C3orf20: variants seen among roughly 807,000 people sequenced by gnomAD.
The protein encoded by C3orf20 is family with sequence similarity 149 member C.
A neutral mutation model predicts 88.3 loss-of-function variants in C3orf20; 76 were observed. The observed-to-expected ratio is 0.86, with a 90% CI of 0.72 to 1.04. The LOEUF is 1.04. Ranked by LOEUF, C3orf20 falls within the 50% of genes least tolerant of loss-of-function variation. The probability of loss-of-function intolerance (pLI) is 0.00; values close to 1 mark genes in which losing one functional copy is unlikely to be tolerated. For missense variants in C3orf20, 1,056 were observed against 1,123.3 expected, an observed-to-expected ratio of 0.94 and a Z score of 0.86; for synonymous variants, 436 against 437.4, an observed-to-expected ratio of 1.00 and a Z score of 0.04.
At chr3:14,759,812 G>A in intron 13 of C3orf20, 79 bp from the exon 14 acceptor site, 3 of 1,225,324 alleles carry the variant, frequency 2.4e-6, no homozygotes, top group Non-Finnish European at 2.4e-6. Flanking sequence ...GGGGGAACCA[G>A]GCCTAGCCGA....
chr3:14,683,010 A>C lies in C3orf20; in HGVS notation c.297A>C (p.Pro99=), dbSNP rs1409021230. 1.2e-6 allele frequency: 2 copies of C among 1,613,042 alleles called. No individual in the cohort carries two copies. Among genetic ancestry groups the C allele is most frequent in the Non-Finnish European group, 1.7e-6 (2 of 1,179,584 alleles). Residue 99 remains proline, a synonymous_variant, in exon 3 of 17, where the codon CCA becomes CCC. Coordinates refer to ENST00000253697, the MANE Select transcript of C3orf20 (RefSeq NM_032137.5). Reference sequence around the variant, plus strand: ...TGAAGAAGCCACTACCTCCACCACCACCAGCACCACCACGTCCAGTGCTGC... The same window carrying C: ...TGAAGAAGCCACTACCTCCACCACCCCCAGCACCACCACGTCCAGTGCTGC... ...PTLKKPLPPP[P]PAPPRPVLLA...
Position 14,757,407 on chromosome 3 carries a change from G to A in C3orf20, c.1977G>A (p.Trp659Ter), listed in dbSNP as rs553216494. ...GCGAGGGGCGCAGCCCCACCAGGTG[G>A]GCGGCCTTGCCCTCAGACTGCCCGC... ...KAREGRSPTR[W>*]AALPSDCPLV... Residue 659 changes from tryptophan (W) to a stop codon, truncating the protein, a stop_gained, in exon 13 of 17, where the codon TGG (tryptophan) becomes TGA (stop). Coordinates refer to ENST00000253697, the MANE Select transcript of C3orf20 (RefSeq NM_032137.5). LOFTEE classifies it high-confidence loss of function. 3 of 1,611,910 alleles carry A rather than the reference G, an allele frequency of 1.9e-6. No homozygotes were observed. Among genetic ancestry groups the A allele is most frequent in the Admixed American group, 3.3e-5 (2 of 60,022 alleles).
At chr3:14,678,029 C>G (rs532521127) in intron 1 of C3orf20, among the ~76,000 whole-genome samples, 6 of 151,718 alleles carry the variant, frequency 4.0e-5, no homozygotes, top group African/African-American at 9.7e-5. Flanking sequence ...TCACCTGGTC[C>G]TACCCTCCCC....
Position 14,713,428 on chromosome 3 carries a change from G to C in C3orf20, c.1161-579G>C, listed in dbSNP as rs1476283422. 2.6e-5 allele frequency among the ~76,000 whole-genome samples: 4 copies of C among 152,118 alleles called. No individual in the cohort carries two copies. The East Asian group carries it at 7.7e-4, about 29-fold the overall frequency. ...TGAAATTCCTGCACACAGGACAGTA[G>C]CTGCCCACACCATGTCCTCCTTAGT... On this transcript the variant is annotated intron_variant, in intron 7 of 16. Coordinates refer to ENST00000253697, the MANE Select transcript of C3orf20 (RefSeq NM_032137.5).
intron 15 of C3orf20, among the ~76,000 whole-genome samples, chr3:14,766,044 G>A (rs976495071): frequency 5.9e-5 from 9 of 152,178 alleles, no homozygotes; most frequent in African/African-American, 1.4e-4. Flanking sequence ...TGGGAGTGGC[G>A]GGCCCAGTGG....
At chr3:14,697,866 T>G (rs1275024509) in intron 5 of C3orf20, among the ~76,000 whole-genome samples, 1 of 152,244 alleles carries the variant, frequency 6.6e-6, no homozygotes, top group South Asian at 2.1e-4. Context: ...GCTTCATCCA[T>G]GTCCCTGCAA....
chr3:14,755,845 C>T (rs1348256584), intron 12 of C3orf20, among the ~76,000 whole-genome samples: 3 of 151,816 alleles, frequency 2.0e-5, no homozygotes, highest in African/African-American at 4.8e-5. Flanking sequence ...CTGGCTAACA[C>T]GGTGAAACCC....
chr3:14,680,726 G>A (rs543967265), intron 1 of C3orf20, among the ~76,000 whole-genome samples: 1 of 152,162 alleles, frequency 6.6e-6, no homozygotes, highest in Non-Finnish European at 1.5e-5. Context: ...AGGAACTGGT[G>A]GCAGGGGGGA....
At position 14,772,066 on chromosome 3, in the gene C3orf20, G is replaced by A. The variant is rs373088425; in HGVS notation, c.2496-1G>A. The A allele has an allele frequency of 1.1e-5, 17 of 1,614,042 alleles. No homozygotes were observed. The highest frequency in any genetic ancestry group is 1.7e-5 in the Admixed American group (1 of 60,002). On this transcript the variant is annotated splice_acceptor_variant, in intron 15 of 16. Transcript: ENST00000253697. LOFTEE classifies it high-confidence loss of function. The surrounding 1 kb of genome is among the most constrained non-coding windows in gnomAD (Gnocchi z 4.2). ...TGCCCCCGACCCTGCCTCCCCTGCA[G>A]TGTTCCCAACTCTGTCCTGAGCCTG...
intron 5 of C3orf20, among the ~76,000 whole-genome samples, chr3:14,693,664 A>C (rs2032837161): frequency 6.6e-6 from 1 of 152,044 alleles, no homozygotes; most frequent in African/African-American, 2.4e-5. Context: ...CTTCCTTTCC[A>C]ATTTGGATGC....
rs537391073 is a variant in C3orf20 at position 14,709,613 on chromosome 3, T to C, written c.1161-4394T>C. Reference sequence around the variant, plus strand: ...AATTTTGTCAAATGCTTTTTCTTTATCAGTTAAGGTGATCATGATTCCCCC... The same window carrying C: ...AATTTTGTCAAATGCTTTTTCTTTACCAGTTAAGGTGATCATGATTCCCCC... On this transcript the variant is annotated intron_variant, in intron 7 of 16. Coordinates refer to ENST00000253697, the MANE Select transcript of C3orf20 (RefSeq NM_032137.5). Among the ~76,000 whole-genome samples the C allele has an allele frequency of 5.3e-5, 8 of 152,310 alleles. No individual in the cohort carries two copies. In the South Asian group the frequency reaches 1.7e-3, roughly 32 times the overall value.
intron 12 of C3orf20, among the ~76,000 whole-genome samples, chr3:14,743,659 TTGCC>T (rs1489128306): frequency 6.6e-6 from 1 of 152,178 alleles, no homozygotes; most frequent in African/African-American, 2.4e-5. Flanking sequence ...CAGCAAACTT[TTGCC>T]TGAGCATCCA....
At chr3:14,725,882 A>G (rs983362468) in intron 10 of C3orf20, among the ~76,000 whole-genome samples, 2 of 152,184 alleles carry the variant, frequency 1.3e-5, no homozygotes, top group African/African-American at 4.8e-5. Flanking sequence ...AAAAAAAAAA[A>G]AAATGACCAG....
At chr3:14,769,872 G>A (rs1575168898) in intron 15 of C3orf20, among the ~76,000 whole-genome samples, 1 of 152,114 alleles carries the variant, frequency 6.6e-6, no homozygotes, top group East Asian at 1.9e-4. Flanking sequence ...GTGAACTCAG[G>A]GCCTTCTATA....
intron 12 of C3orf20, among the ~76,000 whole-genome samples, chr3:14,740,269 T>C (rs980671599): frequency 3.3e-5 from 5 of 152,196 alleles, no homozygotes; most frequent in Admixed American, 2.0e-4. Context: ...AATTTCAATA[T>C]TGTTATGCCT....
chr3:14,745,409 G>T (rs911762851), intron 12 of C3orf20, among the ~76,000 whole-genome samples: 1 of 152,182 alleles, frequency 6.6e-6, no homozygotes, highest in Admixed American at 6.5e-5. Context: ...TATTTCTTCC[G>T]CTTTGCTGGC....
chr3:14,684,017 A>G (rs2032259669), intron 3 of C3orf20, among the ~76,000 whole-genome samples: 1 of 152,050 alleles, frequency 6.6e-6, no homozygotes, highest in African/African-American at 2.4e-5. Flanking sequence ...ATCGGTACCC[A>G]GGCCTATGGG....
Position 14,693,235 on chromosome 3 carries a change from A to G in C3orf20, c.745+3119A>G, listed in dbSNP as rs575995069. 7.2e-5 allele frequency among the ~76,000 whole-genome samples: 11 copies of G among 152,212 alleles called. No homozygotes were observed. In the South Asian group the frequency reaches 2.3e-3, roughly 32 times the overall value. On this transcript the variant is annotated intron_variant, in intron 5 of 16. Transcript: ENST00000253697. The stretch of plus-strand genomic sequence containing the variant: ...TTTGTGGTTCCATATAAACTTTAGG[A>G]ATGATTTTTCTATTTCTGTGAAGAT...
chr3:14,733,153 C>T (rs1213233522), intron 12 of C3orf20, among the ~76,000 whole-genome samples: 2 of 152,036 alleles, frequency 1.3e-5, no homozygotes. Context: ...AAGAGTTTTT[C>T]ATCTATACTC....
Sources: gnomAD v4.1 joint callset for allele counts (sites outside exome capture counted in the v4.1 genomes callset) on GRCh38, gnomAD v4.1.1 for gene constraint, Gnocchi (gnomAD v3.1) non-coding constraint, MANE v1.5 for transcripts, NCBI Gene and HGNC (gene_info 2026-07-23, HGNC 2026-07-21) for gene names.